Variants in ZNF619 observed in about 807,000 individuals in gnomAD.
ZNF619 encodes the protein zinc finger protein 619.
Under a neutral mutation model 14.2 loss-of-function variants are expected in ZNF619, and 9 were observed. That is an observed-to-expected ratio of 0.64 (90% CI 0.38 to 1.11). The LOEUF is 1.11. Ranked by LOEUF, ZNF619 falls within the 50% of genes least tolerant of loss-of-function variation. The probability of loss-of-function intolerance (pLI) is 0.01; values close to 1 mark genes in which losing one functional copy is unlikely to be tolerated. For missense variants in ZNF619, 659 were observed against 680.1 expected (o/e 0.97, Z 0.34); for synonymous variants, 246 against 252.8 (o/e 0.97, Z 0.26).
rs762391335 is a variant in ZNF619, at chr3:40,482,604, C to A, written c.195C>A (p.Pro65=). 6.2e-7 allele frequency: 1 copy of A among 1,614,106 alleles called. No individual in the cohort carries two copies. The highest frequency in any genetic ancestry group is 1.1e-5 in the South Asian group (1 of 91,072). The change falls in exon 4 of 5, where the codon CCC becomes CCA. Residue 65 remains proline, a synonymous_variant. Coordinates refer to ENST00000432264, the MANE Select transcript of ZNF619 (RefSeq NM_001145093.4). ...CTCCTGTAGCAGCATTTCCATTCCC[C>A]AAACCAGATCTGATATTCCAGCTGG... ...NVTSLSAFPF[P]KPDLIFQLEQ...
In ZNF619 at chr3:40,487,443, T is replaced by A; in HGVS notation, c.933T>A (p.Thr311=). The part of the protein sequence containing the change: ...SKLIRHQRIH[T]GEKPFKCKEC... ...TGATTCGGCATCAGAGAATCCATAC[T>A]GGGGAGAAGCCCTTTAAATGTAAGG... is the stretch of plus-strand genomic sequence containing the variant. The change falls in exon 5 of 5, where the codon ACT becomes ACA. Residue 311 remains threonine, a synonymous_variant. Coordinates refer to ENST00000432264, the MANE Select transcript of ZNF619 (RefSeq NM_001145093.4). 6.2e-7 allele frequency: 1 copy of A among 1,614,232 alleles called. No homozygotes were observed. Among genetic ancestry groups the A allele is most frequent in the Non-Finnish European group, 8.5e-7 (1 of 1,180,050 alleles).
rs1021499568 is a variant in ZNF619, at chr3:40,489,688, A to C, written c.*1447A>C. On this transcript the variant is annotated 3_prime_UTR_variant, in exon 5 of 5. Transcript: ENST00000432264. The stretch of plus-strand genomic sequence containing the variant: ...CTGTACATGGATGGAACTTGTTGGC[A>C]TCACACTGGTGAGCACCAGAGGCAA... 6.6e-6 allele frequency: 1 copy of C among 152,168 alleles called. No homozygotes were observed. Among genetic ancestry groups the C allele is most frequent in the Non-Finnish European group, 1.5e-5 (1 of 68,034 alleles). 9.4% of individuals were successfully genotyped at this position (152,168 alleles called of 1,614,324 possible). A position where few individuals can be genotyped will look rare whatever the true frequency, so the allele number is the denominator to read the frequency against.
At chr3:40,483,258 A>C (rs1391961085) in intron 4 of ZNF619, among the ~76,000 whole-genome samples, 1 of 152,070 alleles carries the variant, frequency 6.6e-6, no homozygotes, top group Admixed American at 6.6e-5. Flanking sequence ...TCAGCTCAGG[A>C]ATATAAACAC....
At position 40,487,025 on chromosome 3, in the gene ZNF619, C is replaced by G. The variant is rs773711261; in HGVS notation, c.515C>G (p.Thr172Ser). The G allele has an allele frequency of 6.2e-7, 1 of 1,614,140 alleles. No individual in the cohort carries two copies. Among genetic ancestry groups the G allele is most frequent in the Non-Finnish European group, 8.5e-7 (1 of 1,180,016 alleles). ...ACAGTCCAGGATCATGAATCTTCCA[C>G]CACTGAAAGGGAGGAGATAGCCAGG... ...DLTVQDHESS[T>S]TEREEIARKL... The change falls in exon 5 of 5, where the codon ACC becomes AGC. Residue 172 changes from threonine (T) to serine (S), a missense_variant. Thr to Ser is a moderately conservative substitution (Grantham distance 58). Transcript: ENST00000432264.
rs1697415553 is a variant in ZNF619, at chr3:40,481,993, A to G, written c.155A>G (p.Asn52Ser). 5.6e-6 allele frequency: 9 copies of G among 1,602,676 alleles called. No individual in the cohort carries two copies. In the East Asian group the frequency reaches 2.0e-4, roughly 36 times the overall value. The change falls in exon 3 of 5, where the codon AAT (asparagine) becomes AGT (serine). Residue 52 changes from asparagine to serine, a missense_variant. Transcript: ENST00000432264. ...CTATACAGGGAGGTGATGCTGGAGA[A>G]TTATGCAAATGTGACTTCCTTGTGT... ...RALYREVMLE[N>S]YANVTSLSAF... is the part of the protein sequence containing the mutation.
intron 2 of ZNF619, 62 bp from the exon 3 acceptor site, chr3:40,481,801 A>G (rs763845888): frequency 1.3e-6 from 2 of 1,553,078 alleles, no homozygotes; most frequent in South Asian, 1.3e-5. Flanking sequence ...GCTCAGTGCC[A>G]TGGATTCCAG....
At position 40,487,622 on chromosome 3, in the gene ZNF619, C is replaced by T. The variant is rs199886318; in HGVS notation, c.1112C>T (p.Pro371Leu). 1.4e-5 allele frequency: 23 copies of T among 1,614,078 alleles called. No individual in the cohort carries two copies. The African/African-American group carries it at 1.5e-4, about 10-fold the overall frequency. ...QHQRIHTGEK[P>L]YECKECGKAF... is the part of the protein sequence containing the mutation. ...CAGAGAATCCACACTGGGGAGAAAC[C>T]TTATGAATGTAAAGAGTGTGGCAAG... The change falls in exon 5 of 5, where the codon CCT (proline) becomes CTT (leucine). Residue 371 changes from proline to leucine, a missense_variant. Coordinates refer to ENST00000432264, the MANE Select transcript of ZNF619 (RefSeq NM_001145093.4).
intron 2 of ZNF619, among the ~76,000 whole-genome samples, chr3:40,480,004 G>T (rs557347751): frequency 6.6e-6 from 1 of 152,330 alleles, no homozygotes; most frequent in African/African-American, 2.4e-5. Flanking sequence ...AAGAGTAAGT[G>T]CAAGTAAAGG....
intron 4 of ZNF619, chr3:40,483,771 G>A (rs1441654005): frequency 2.7e-6 from 1 of 365,918 alleles, no homozygotes; most frequent in Admixed American, 3.3e-5. Context: ...TGGGATTATA[G>A]GCATGTGTCA....
chr3:40,486,830 A>C lies in ZNF619; in HGVS notation c.320A>C (p.Glu107Ala). The change falls in exon 5 of 5, where the codon GAG becomes GCG. Residue 107 changes from glutamate (E) to alanine (A), a missense_variant. Physicochemically the swap from Glu to Ala is moderately radical, Grantham distance 107. Transcript: ENST00000432264. ...GGTGGTAAAACCAAGACTGAGAATGAGGAAAAAACTGCACAGCTAAACATT... is the reference window on the plus strand; with the variant it reads ...GGTGGTAAAACCAAGACTGAGAATGCGGAAAAAACTGCACAGCTAAACATT... ...CTGGKTKTEN[E>A]EKTAQLNISK... The C allele has an allele frequency of 6.3e-7, 1 of 1,599,964 alleles. No homozygotes were observed. Among genetic ancestry groups the C allele is most frequent in the Middle Eastern group, 1.7e-4 (1 of 5,960 alleles).
chr3:40,486,597 A>C (rs1024838245), intron 4 of ZNF619, among the ~76,000 whole-genome samples: 3 of 151,926 alleles, frequency 2.0e-5, no homozygotes, highest in African/African-American at 7.3e-5. Flanking sequence ...GCTACTTGGG[A>C]GGCTGAGGTA....
intron 4 of ZNF619, among the ~76,000 whole-genome samples, chr3:40,486,027 A>T (rs748460869): frequency 6.6e-6 from 1 of 152,202 alleles, no homozygotes; most frequent in African/African-American, 2.4e-5. Context: ...GCATTTCTTT[A>T]AAAATTACAG....
In ZNF619 at chr3:40,486,906, C is replaced by T. The variant is rs200731206; in HGVS notation, c.396C>T (p.Asp132=). 8.7e-6 allele frequency: 14 copies of T among 1,613,982 alleles called. No homozygotes were observed. The highest frequency in any genetic ancestry group is 5.5e-5 in the South Asian group (5 of 91,080). The part of the protein sequence containing the change: ...HRLIVEGLLM[D]VPQHPDFKDR... Reference sequence around the variant, plus strand: ...TGATAGTGGAGGGACTGCTGATGGACGTTCCCCAGCACCCTGACTTCAAGG... The same window carrying T: ...TGATAGTGGAGGGACTGCTGATGGATGTTCCCCAGCACCCTGACTTCAAGG... Residue 132 remains aspartate, a synonymous_variant, in exon 5 of 5, where the codon GAC becomes GAT. Transcript: ENST00000432264.
In ZNF619 at chr3:40,488,367, T is replaced by G. The variant is rs944561043; in HGVS notation, c.*126T>G. The G allele has an allele frequency of 9.4e-6, 6 of 637,830 alleles. No homozygotes were observed. The African/African-American group carries it at 1.1e-4, about 12-fold the overall frequency. 39.5% of individuals were successfully genotyped at this position (637,830 alleles called of 1,614,324 possible). ...TTGTTACTGTTTTCCTAACTTCATT[T>G]TAAATTCTCACGCTTAAGGACCATG... On this transcript the variant is annotated 3_prime_UTR_variant, in exon 5 of 5. Coordinates refer to ENST00000432264, the MANE Select transcript of ZNF619 (RefSeq NM_001145093.4).
chr3:40,483,321 C>T (rs1239622273), intron 4 of ZNF619, among the ~76,000 whole-genome samples: 3 of 147,672 alleles, frequency 2.0e-5, no homozygotes, highest in East Asian at 3.9e-4. Context: ...GATGGAGTCT[C>T]GCTTTGTTGC....
chr3:40,490,989 G>A lies in ZNF619; in HGVS notation c.*2748G>A, dbSNP rs968982590. Among the ~76,000 whole-genome samples, 5 of 152,196 alleles carry A rather than the reference G, an allele frequency of 3.3e-5. No homozygotes were observed. In the East Asian group the frequency reaches 5.8e-4, roughly 18 times the overall value. The stretch of plus-strand genomic sequence containing the variant: ...ATGACACAGCAAGAAGGCCAGATAC[G>A]GCCCCTCCACAGTTCCCAGCCCTCG... On this transcript the variant is annotated 3_prime_UTR_variant, in exon 5 of 5. Transcript: ENST00000432264.
Position 40,488,005 on chromosome 3 carries a change from G to T in ZNF619, c.1495G>T (p.Ala499Ser). 1.9e-6 allele frequency: 3 copies of T among 1,614,092 alleles called. No individual in the cohort carries two copies. Among genetic ancestry groups the T allele is most frequent in the South Asian group, 2.2e-5 (2 of 91,074 alleles). The change falls in exon 5 of 5, where the codon GCC becomes TCC. Residue 499 changes from alanine to serine, a missense_variant. Coordinates refer to ENST00000432264, the MANE Select transcript of ZNF619 (RefSeq NM_001145093.4). ...LSAVKPYCPC[A>S]ILSPLPPQHT... is the part of the protein sequence containing the mutation. ...CGCAGTTAAGCCCTACTGTCCCTGC[G>T]CCATCCTCTCTCCTCTGCCTCCCCA...
chr3:40,485,777 A>T (rs1481645883), intron 4 of ZNF619, among the ~76,000 whole-genome samples: 1 of 152,206 alleles, frequency 6.6e-6, no homozygotes, highest in Non-Finnish European at 1.5e-5. Context: ...GGTGCTTGAC[A>T]GGCAAAAAAG....
chr3:40,480,314 T>G (rs781400127), intron 2 of ZNF619, among the ~76,000 whole-genome samples: 5 of 152,126 alleles, frequency 3.3e-5, no homozygotes, highest in African/African-American at 4.8e-5. Flanking sequence ...CCTTTGAACT[T>G]TCTGGCTAAG....
Sources: gnomAD v4.1 joint callset for allele counts (sites outside exome capture counted in the v4.1 genomes callset) on GRCh38, gnomAD v4.1.1 for gene constraint, MANE v1.5 for transcripts, NCBI Gene and HGNC (gene_info 2026-07-23, HGNC 2026-07-21) for gene names.